FAM169A: variants seen among roughly 807,000 people sequenced by gnomAD.
FAM169A encodes the protein family with sequence similarity 169 member A.
FAM169A carries 24 observed loss-of-function variants against 75.7 expected under a neutral mutation model. The ratio of observed to expected loss-of-function variants is 0.32; its 90% CI spans 0.23 to 0.45. The LOEUF is 0.45. FAM169A is among the 20% of genes least tolerant of loss of function. FAM169A has a pLI of 1.00. For synonymous variants in FAM169A, 271 were observed against 271.0 expected, an observed-to-expected ratio of 1.00 and a Z score of 0.00; for missense variants, 673 against 784.0, an observed-to-expected ratio of 0.86 and a Z score of 1.69.
chr5:74,835,407 T>C (rs1748520606), intron 4 of FAM169A, among the ~76,000 whole-genome samples: 1 of 151,846 alleles, frequency 6.6e-6, no homozygotes, highest in South Asian at 2.1e-4. Context: ...GAGACCAGCC[T>C]GGGCAACATG....
chr5:74,831,144 A>C (rs952326018), intron 5 of FAM169A, among the ~76,000 whole-genome samples: 1 of 152,182 alleles, frequency 6.6e-6, no homozygotes, highest in African/African-American at 2.4e-5. Context: ...TTTAGAGCCA[A>C]AAGAAGTCTC....
chr5:74,791,927 A>G (rs182296063), intron 11 of FAM169A, among the ~76,000 whole-genome samples: 52 of 152,322 alleles, frequency 3.4e-4, no homozygotes, highest in African/African-American at 1.1e-3. Context: ...TTTCTTCCTT[A>G]TTTTGTTAAG....
At chr5:74,809,852 C>T (rs1747084952) in intron 6 of FAM169A, among the ~76,000 whole-genome samples, 1 of 152,180 alleles carries the variant, frequency 6.6e-6, no homozygotes, top group Non-Finnish European at 1.5e-5. Flanking sequence ...TTGGTGAGTA[C>T]ACAGAGCAAC....
chr5:74,834,080 C>T (rs1462888421), intron 5 of FAM169A, among the ~76,000 whole-genome samples: 2 of 152,018 alleles, frequency 1.3e-5, no homozygotes, highest in African/African-American at 4.8e-5. Flanking sequence ...TTAGAAGGAA[C>T]CTGTAACAGT....
intron 6 of FAM169A, among the ~76,000 whole-genome samples, chr5:74,810,288 T>C (rs1333540318): frequency 6.6e-6 from 1 of 152,130 alleles, no homozygotes; most frequent in Non-Finnish European, 1.5e-5. Context: ...AGCACATCAG[T>C]GCTTGCCTGG....
intron 1 of FAM169A, among the ~76,000 whole-genome samples, chr5:74,853,873 A>T (rs949886839): frequency 6.6e-6 from 1 of 151,688 alleles, no homozygotes; most frequent in Non-Finnish European, 1.5e-5. Context: ...ACACCCGGCT[A>T]ATCTTCTTCA....
rs367549146 is a variant in FAM169A at position 74,781,875 on chromosome 5, A to G, written c.1598T>C (p.Met533Thr). Residue 533 changes from methionine to threonine, a missense_variant, in exon 13 of 13, where the codon ATG becomes ACG. Met to Thr is a moderately conservative substitution (Grantham distance 81, BLOSUM62 -1). Coordinates refer to ENST00000687041, the MANE Select transcript of FAM169A (RefSeq NM_001376049.1). The part of the protein sequence containing the change: ...HLGSSDNVAT[M>T]SNEERSDGGF... The stretch of plus-strand genomic sequence containing the variant: ...ACCATCAGATCGTTCTTCATTTGAC[A>G]TAGTAGCAACATTGTCTGAACTCCC... 6.2e-6 allele frequency: 10 copies of G among 1,614,146 alleles called. No individual in the cohort carries two copies. The African/African-American group carries it at 1.3e-4, about 22-fold the overall frequency.
At chr5:74,787,173 G>A (rs1745738207) in intron 11 of FAM169A, among the ~76,000 whole-genome samples, 1 of 152,160 alleles carries the variant, frequency 6.6e-6, no homozygotes, top group Admixed American at 6.5e-5. Flanking sequence ...GTGTGGGAAC[G>A]GATGTTAAGG....
intron 12 of FAM169A, among the ~76,000 whole-genome samples, chr5:74,782,216 T>C (rs1018242811): frequency 1.1e-4 from 17 of 152,198 alleles, no homozygotes; most frequent in African/African-American, 4.1e-4. Context: ...ACATGGTAAT[T>C]TTAATACTAA....
At chr5:74,862,252 T>A (rs528995040) in intron 1 of FAM169A, among the ~76,000 whole-genome samples, 1 of 152,190 alleles carries the variant, frequency 6.6e-6, no homozygotes, top group African/African-American at 2.4e-5. Flanking sequence ...TGAAAACCCA[T>A]TATTGGTTCC....
chr5:74,804,376 A>C, intron 8 of FAM169A, 117 bp downstream of exon 8: 1 of 432,580 alleles, frequency 2.3e-6, no homozygotes. Context: ...CACAGTAGAA[A>C]TTACATAGCT....
intron 11 of FAM169A, among the ~76,000 whole-genome samples, chr5:74,790,779 C>T (rs1745934708): frequency 6.6e-6 from 1 of 152,204 alleles, no homozygotes; most frequent in African/African-American, 2.4e-5. Flanking sequence ...TGCTGAGTGC[C>T]CAACTTGCCA....
At chr5:74,792,859 A>C (rs1046072125) in intron 11 of FAM169A, among the ~76,000 whole-genome samples, 3 of 152,216 alleles carry the variant, frequency 2.0e-5, no homozygotes, top group African/African-American at 7.2e-5. Context: ...TAAAGTACTA[A>C]AAGTAGAACT....
chr5:74,815,352 G>A (rs1185290089), intron 5 of FAM169A, among the ~76,000 whole-genome samples: 1 of 151,808 alleles, frequency 6.6e-6, no homozygotes, highest in African/African-American at 2.4e-5. Context: ...ACCACACCTG[G>A]CTAATTTTTA....
chr5:74,809,368 G>A (rs1265870935), intron 6 of FAM169A, among the ~76,000 whole-genome samples: 2 of 152,136 alleles, frequency 1.3e-5, no homozygotes, highest in Non-Finnish European at 2.9e-5. Flanking sequence ...GCCGAGGTGG[G>A]CGGATCACGA....
At chr5:74,840,042 C>A in intron 3 of FAM169A, 32 bp downstream of exon 3, 1 of 1,136,958 alleles carries the variant, frequency 8.8e-7, no homozygotes, top group Non-Finnish European at 1.3e-6. Flanking sequence ...GAGAAAAATT[C>A]CTTAATTTAT....
chr5:74,858,461 T>C (rs139279622), intron 1 of FAM169A, among the ~76,000 whole-genome samples: 2 of 152,238 alleles, frequency 1.3e-5, no homozygotes, highest in East Asian at 1.9e-4. Context: ...GAGGCTATTA[T>C]CCTAAAGGAA....
intron 10 of FAM169A, chr5:74,799,454 A>G (rs1384065098): frequency 5.6e-6 from 9 of 1,612,336 alleles, no homozygotes; most frequent in Admixed American, 1.7e-5. Context: ...CATCCCAACA[A>G]TGTTTTGCTG....
At chr5:74,813,014 T>C (rs1561302702) in intron 6 of FAM169A, among the ~76,000 whole-genome samples, 1 of 152,180 alleles carries the variant, frequency 6.6e-6, no homozygotes, top group African/African-American at 2.4e-5. Flanking sequence ...CTAATTTACG[T>C]ACAACAAGAA....
Sources: gnomAD v4.1 joint callset for allele counts (sites outside exome capture counted in the v4.1 genomes callset) on GRCh38, gnomAD v4.1.1 for gene constraint, MANE v1.5 for transcripts, NCBI Gene and HGNC (gene_info 2026-07-23, HGNC 2026-07-21) for gene names.